Variants in CSTF3 observed in about 807,000 individuals in gnomAD.
CSTF3 encodes CF-1 77 kDa subunit.
In CSTF3, 29 loss-of-function variants were observed where a neutral mutation model predicts 105.8. The observed-to-expected ratio is 0.27, with a 90% CI of 0.20 to 0.37. The LOEUF is 0.37. Ranked by LOEUF, CSTF3 falls within the 10% of genes least tolerant of loss-of-function variation. The pLI, the probability that CSTF3 is intolerant of heterozygous loss-of-function variation, is 1.00. For synonymous variants in CSTF3, 252 were observed against 281.9 expected, an observed-to-expected ratio of 0.89 and a Z score of 1.06; for missense variants, 357 against 879.3, an observed-to-expected ratio of 0.41 and a Z score of 7.51.
chr11:33,111,148 T>C (rs573698504), intron 3 of CSTF3, among the ~76,000 whole-genome samples: 1 of 152,130 alleles, frequency 6.6e-6, no homozygotes. Flanking sequence ...GAGAATCACT[T>C]GAACCCGGGA....
chr11:33,099,247 G>A lies in CSTF3; in HGVS notation c.937-97C>T. The A allele has an allele frequency of 7.1e-7, 1 of 1,402,150 alleles. No individual in the cohort carries two copies. Among genetic ancestry groups the A allele is most frequent in the Non-Finnish European group, 9.6e-7 (1 of 1,038,160 alleles). The allele number at this position is 1,402,150 out of a possible 1,614,324, so 86.9% of individuals were successfully genotyped here. ...TACATCTACTTTATTTTATTTATGT[G>A]TCTAAGAAAGCATACATGTATGTAC... is the stretch of plus-strand genomic sequence containing the variant. On this transcript the variant is annotated intron_variant, in intron 11 of 20. Coordinates refer to ENST00000323959, the MANE Select transcript of CSTF3 (RefSeq NM_001326.3). The surrounding 1 kb of genome is among the most constrained non-coding windows in gnomAD (Gnocchi z 4.1).
chr11:33,124,763 A>C (rs1353756728), intron 3 of CSTF3, among the ~76,000 whole-genome samples: 1 of 152,194 alleles, frequency 6.6e-6, no homozygotes, highest in East Asian at 1.9e-4. Context: ...TAACTTCCAC[A>C]ATGGTATTTT....
At chr11:33,113,326 G>A (rs1004961796) in intron 3 of CSTF3, among the ~76,000 whole-genome samples, 2 of 152,080 alleles carry the variant, frequency 1.3e-5, no homozygotes, top group Non-Finnish European at 2.9e-5. Context: ...TAAAAGTAGT[G>A]CATCATTTTC....
At chr11:33,145,630 G>C (rs1855772578) in intron 1 of CSTF3, among the ~76,000 whole-genome samples, 1 of 151,828 alleles carries the variant, frequency 6.6e-6, no homozygotes, top group East Asian at 2.0e-4. Context: ...TGGCTAACAG[G>C]GTGAAACCCC....
intron 3 of CSTF3, among the ~76,000 whole-genome samples, chr11:33,117,325 G>C (rs111903655): frequency 1.3e-5 from 2 of 151,944 alleles, no homozygotes; most frequent in African/African-American, 4.8e-5. Flanking sequence ...AAGGGATCTG[G>C]TGGAATATGC....
chr11:33,137,637 T>C (rs192501625), intron 3 of CSTF3, among the ~76,000 whole-genome samples: 54 of 151,976 alleles, frequency 3.6e-4, no homozygotes, highest in Admixed American at 2.6e-3. Context: ...ATTCTACATT[T>C]ATATATGCAT....
At chr11:33,121,861 A>G (rs192222316) in intron 3 of CSTF3, among the ~76,000 whole-genome samples, 2 of 152,206 alleles carry the variant, frequency 1.3e-5, no homozygotes, top group Non-Finnish European at 1.5e-5. Context: ...GACTACTATA[A>G]CAGGTCAGTA....
At position 33,085,866 on chromosome 11, in the gene CSTF3, G is replaced by T. The variant is rs1565000105; in HGVS notation, c.1890+29C>A. 1.9e-6 allele frequency: 3 copies of T among 1,578,384 alleles called. No homozygotes were observed. The South Asian group carries it at 3.5e-5, about 18-fold the overall frequency. On this transcript the variant is annotated intron_variant, in intron 19 of 20. Transcript: ENST00000323959. The stretch of plus-strand genomic sequence containing the variant: ...ACAATTACTATGACCCACAGAGCCA[G>T]TATCTACCATGAAAATAAGTGAACA...
At chr11:33,104,833 G>C (rs914035700) in intron 8 of CSTF3, among the ~76,000 whole-genome samples, 4 of 152,162 alleles carry the variant, frequency 2.6e-5, no homozygotes, top group Non-Finnish European at 4.4e-5. Flanking sequence ...CATAAAGTTT[G>C]AAAACCACAG....
At position 33,085,906 on chromosome 11, in the gene CSTF3, T is replaced by C; in HGVS notation, c.1879A>G (p.Ile627Val). The C allele has an allele frequency of 1.3e-6, 2 of 1,565,314 alleles. No individual in the cohort carries two copies. The highest frequency in any genetic ancestry group is 1.7e-6 in the Non-Finnish European group (2 of 1,158,464). ...ATAAGTGAACAAACCTGGAAACAGA[T>C]AGGAGGAGGGAGAAGTTTCATTAAA... ...VVLMKLLPPP[I>V]CFQGPFVQVD... is the part of the protein sequence containing the mutation. The change falls in exon 19 of 21, where the codon ATC (isoleucine) becomes GTC (valine). Residue 627 changes from isoleucine to valine, a missense_variant. Ile to Val is a conservative substitution (Grantham distance 29). Around this residue, in one of 4 missense-constraint regions of CSTF3, gnomAD observed 206 missense variants for 576.5 expected, o/e 0.36. Coordinates refer to ENST00000323959, the MANE Select transcript of CSTF3 (RefSeq NM_001326.3).
intron 8 of CSTF3, among the ~76,000 whole-genome samples, chr11:33,104,644 A>G (rs554762313): frequency 2.8e-4 from 43 of 152,116 alleles, no homozygotes; most frequent in Non-Finnish European, 5.6e-4. Flanking sequence ...GCATGCCTGT[A>G]GTCTTAGCTA....
chr11:33,161,198 A>C, intron 1 of CSTF3, 101 bp downstream of exon 1: 1 of 1,324,312 alleles, frequency 7.6e-7, no homozygotes, highest in Non-Finnish European at 1.1e-6. Context: ...CCCCGGGTTC[A>C]CTAGACCCAA....
chr11:33,091,915 A>G (rs1240879506), intron 16 of CSTF3, among the ~76,000 whole-genome samples: 1 of 151,916 alleles, frequency 6.6e-6, no homozygotes, highest in Non-Finnish European at 1.5e-5. Context: ...GGGTCTCACT[A>G]TGTTGCCCAG....
chr11:33,155,554 GAAT>G (rs1252531792), intron 1 of CSTF3, among the ~76,000 whole-genome samples: 1 of 152,012 alleles, frequency 6.6e-6, no homozygotes, highest in East Asian at 1.9e-4. Flanking sequence ...TTTCAAATAT[GAAT>G]AATCCAGATT....
intron 3 of CSTF3, among the ~76,000 whole-genome samples, chr11:33,132,270 A>G (rs1855607204): frequency 6.6e-6 from 1 of 152,222 alleles, no homozygotes; most frequent in South Asian, 2.1e-4. Flanking sequence ...AAATATGATC[A>G]GACCACTGTT....
intron 16 of CSTF3, among the ~76,000 whole-genome samples, chr11:33,091,088 TGGA>T (rs759527047): frequency 6.6e-6 from 1 of 152,190 alleles, no homozygotes; most frequent in Non-Finnish European, 1.5e-5. Flanking sequence ...AAACTCTAGG[TGGA>T]GAAGTTGGAA....
In CSTF3 at chr11:33,085,057, C is replaced by T. The variant is rs369833933; in HGVS notation, c.*30G>A. 2.2e-5 allele frequency: 36 copies of T among 1,611,288 alleles called. No individual in the cohort carries two copies. Among genetic ancestry groups the T allele is most frequent in the Non-Finnish European group, 3.0e-5 (35 of 1,177,630 alleles). On this transcript the variant is annotated 3_prime_UTR_variant, in exon 21 of 21. Transcript: ENST00000323959. ...CACTTGAGGCAAAAGGAATCCTGGA[C>T]AGGAGTTTTCTGCAGAGGCGTTTAA...
intron 3 of CSTF3, among the ~76,000 whole-genome samples, chr11:33,114,296 T>C (rs550841271): frequency 2.6e-5 from 4 of 152,322 alleles, no homozygotes; most frequent in South Asian, 2.1e-4. Flanking sequence ...AATGAGTTTT[T>C]CCTAATGTTA....
At chr11:33,108,033 G>A in intron 4 of CSTF3, 33 bp from the exon 5 acceptor site, 1 of 1,380,182 alleles carries the variant, frequency 7.2e-7, no homozygotes, top group African/African-American at 1.5e-5. Context: ...TCAGAATCCA[G>A]TTAAATAAAT....
Sources: gnomAD v4.1 joint callset for allele counts (sites outside exome capture counted in the v4.1 genomes callset) on GRCh38, gnomAD v4.1.1 for gene constraint, gnomAD v4.1.1 regional missense constraint, Gnocchi (gnomAD v3.1) non-coding constraint, MANE v1.5 for transcripts, NCBI Gene and HGNC (gene_info 2026-07-23, HGNC 2026-07-21) for gene names.